The following ILDR1 variants were observed in gnomAD, a reference collection of about 807,000 sequenced individuals.
ILDR1 encodes the protein immunoglobulin-like domain-containing receptor 1.
ILDR1 carries 56 observed loss-of-function variants against 62.4 expected under a neutral mutation model. That is an observed-to-expected ratio of 0.90 (90% CI 0.72 to 1.12). ILDR1 has a LOEUF of 1.12. Ranked by LOEUF, ILDR1 falls within the 50% of genes most tolerant of loss-of-function variation. The pLI is 0.00. For synonymous variants in ILDR1, 284 were observed against 277.8 expected, an observed-to-expected ratio of 1.02 and a Z score of -0.22; for missense variants, 736 against 710.6, an observed-to-expected ratio of 1.04 and a Z score of -0.41.
chr3:122,023,193 ATTTAT>A (rs1479845739), upstream of ILDR1, among the ~76,000 whole-genome samples: 46 of 151,328 alleles, frequency 3.0e-4, no homozygotes, highest in Admixed American at 3.0e-3. Flanking sequence ...GTAGGTACAT[ATTTAT>A]TTTATTTTTT....
chr3:122,020,904 TA>T (rs2071845418), intron 1 of ILDR1, among the ~76,000 whole-genome samples: 1 of 152,220 alleles, frequency 6.6e-6, no homozygotes, highest in African/African-American at 2.4e-5. Flanking sequence ...CTAGTTTCCC[TA>T]CCCTTTTGCA....
At chr3:122,035,457 C>T in the ILDR1 span, among the ~76,000 whole-genome samples, 1 of 152,036 alleles carries the variant, frequency 6.6e-6, no homozygotes, top group Non-Finnish European at 1.5e-5. Flanking sequence ...AAAAAAGACA[C>T]CTTATATGTT....
the ILDR1 span, among the ~76,000 whole-genome samples, chr3:122,040,633 C>A: frequency 7.0e-6 from 1 of 143,006 alleles, no homozygotes; most frequent in Admixed American, 7.2e-5. Flanking sequence ...AAAATACAGT[C>A]AAGTGATATT....
chr3:122,015,926 C>G (rs2071770394), intron 1 of ILDR1, among the ~76,000 whole-genome samples: 1 of 152,164 alleles, frequency 6.6e-6, no homozygotes, highest in South Asian at 2.1e-4. Flanking sequence ...GTTCCCCCTG[C>G]TAGGTGGATT....
intron 1 of ILDR1, among the ~76,000 whole-genome samples, chr3:122,019,529 T>C (rs925090159): frequency 6.6e-6 from 1 of 152,108 alleles, no homozygotes; most frequent in Non-Finnish European, 1.5e-5. Flanking sequence ...TTTGGGAAGT[T>C]TGGCTTAAAA....
intron 1 of ILDR1, among the ~76,000 whole-genome samples, chr3:122,008,010 A>G (rs1348715633): frequency 6.6e-6 from 1 of 152,218 alleles, no homozygotes; most frequent in African/African-American, 2.4e-5. Flanking sequence ...GCCTTCTCAA[A>G]GTCATTGCTC....
the ILDR1 span, among the ~76,000 whole-genome samples, chr3:122,052,865 G>T: frequency 6.6e-6 from 1 of 152,130 alleles, no homozygotes; most frequent in Non-Finnish European, 1.5e-5. Context: ...CACCGCGCCC[G>T]GCCAAAAAGT....
At chr3:122,047,903 C>T in the ILDR1 span, among the ~76,000 whole-genome samples, 10 of 152,234 alleles carry the variant, frequency 6.6e-5, no homozygotes, top group Admixed American at 1.3e-4. Context: ...AGCTGTAGAC[C>T]GGAGCTGTTC....
At chr3:121,990,622 C>T (rs1362083322) in intron 7 of ILDR1, among the ~76,000 whole-genome samples, 5 of 152,056 alleles carry the variant, frequency 3.3e-5, no homozygotes, top group Non-Finnish European at 7.4e-5. Context: ...GAGTCAAGGT[C>T]GCATTCTGTG....
At chr3:122,048,251 T>C in the ILDR1 span, among the ~76,000 whole-genome samples, 6,520 of 152,360 alleles carry the variant, frequency 0.043, 191 homozygotes, top group South Asian at 0.075. Flanking sequence ...AATTTTCATA[T>C]GTTGAATCAT....
chr3:122,011,677 T>TTCACACACACACACACACACACACA (rs139879742), intron 1 of ILDR1, among the ~76,000 whole-genome samples: 8 of 133,138 alleles, frequency 6.0e-5, no homozygotes, highest in African/African-American at 2.4e-4. Context: ...TCTCTCTCTT[T>TTCACACACACACACACACACACACA]CACACACACA....
At chr3:122,047,780 A>G in the ILDR1 span, among the ~76,000 whole-genome samples, 2 of 152,226 alleles carry the variant, frequency 1.3e-5, no homozygotes, top group Non-Finnish European at 2.9e-5. Flanking sequence ...GCTTGCGCAC[A>G]GTGCACGCAC....
chr3:122,001,375 AC>A lies in ILDR1; in HGVS notation c.578del (p.Cys193PhefsTer31). 6.2e-7 allele frequency: 1 copy of A among 1,614,138 alleles called. No homozygotes were observed. Among genetic ancestry groups the A allele is most frequent in the Non-Finnish European group, 8.5e-7 (1 of 1,180,018 alleles). On this transcript the variant is annotated frameshift_variant, in exon 5 of 8. Transcript: ENST00000344209. LOFTEE classifies it high-confidence loss of function. ...LLIGVCWCQC[C>X]PQYCCCYIRC... ...GGATATAGCAGCAGCAATACTGAGG[AC>A]AGCACTGGCACCAGCACACTCCAAT...
At chr3:122,014,221 A>G (rs2071746224) in intron 1 of ILDR1, among the ~76,000 whole-genome samples, 1 of 152,246 alleles carries the variant, frequency 6.6e-6, no homozygotes, top group African/African-American at 2.4e-5. Context: ...ATAAGTGAGA[A>G]ACTTCAAACA....
the ILDR1 span, chr3:122,055,379 G>C: frequency 2.9e-6 from 3 of 1,051,690 alleles, no homozygotes; most frequent in Non-Finnish European, 3.0e-6. Context: ...GCCGAGGAAG[G>C]CTTGCACAGG....
chr3:121,994,241 C>G lies in ILDR1; in HGVS notation c.719G>C (p.Trp240Ser). The G allele has an allele frequency of 6.5e-7, 1 of 1,536,116 alleles. No homozygotes were observed. The highest frequency in any genetic ancestry group is 8.7e-7 in the Non-Finnish European group (1 of 1,146,898). The change falls in exon 6 of 8, where the codon TGG becomes TCG. Residue 240 changes from tryptophan (W) to serine (S), a missense_variant. Coordinates refer to ENST00000344209, the MANE Select transcript of ILDR1 (RefSeq NM_001199799.2). ...AACCTGGGAGCTCCTGTCCGCCCCC[C>G]AGTACAGGGGTTTTCCCATCATCTG... Reference protein sequence around the residue: ...GPQMMGKPLYWGADRSSQVSS... With the variant: ...GPQMMGKPLYSGADRSSQVSS...
chr3:122,039,745 A>AGAATATACACGAAG, the ILDR1 span, among the ~76,000 whole-genome samples: 1 of 152,082 alleles, frequency 6.6e-6, no homozygotes, highest in Non-Finnish European at 1.5e-5. Context: ...AGGGTAAGAT[A>AGAATATACACGAAG]AAATTTATTG....
chr3:122,021,181 G>T (rs1210105067), intron 1 of ILDR1, among the ~76,000 whole-genome samples: 1 of 152,164 alleles, frequency 6.6e-6, no homozygotes, highest in East Asian at 1.9e-4. Context: ...GGGGTAAAAT[G>T]AAATAAAACA....
At chr3:122,051,632 T>C in the ILDR1 span, among the ~76,000 whole-genome samples, 16 of 152,158 alleles carry the variant, frequency 1.1e-4, no homozygotes, top group African/African-American at 3.9e-4. Context: ...TCTGGAGACT[T>C]ATTTTGTTTC....
Sources: gnomAD v4.1 joint callset for allele counts (sites outside exome capture counted in the v4.1 genomes callset) on GRCh38, gnomAD v4.1.1 for gene constraint, MANE v1.5 for transcripts, NCBI Gene and HGNC (gene_info 2026-07-23, HGNC 2026-07-21) for gene names.